The following ADAMTSL2 variants were observed in gnomAD, a reference collection of about 807,000 sequenced individuals.
The protein encoded by ADAMTSL2 is ADAMTS-like protein 2.
Under a neutral mutation model 117.0 loss-of-function variants are expected in ADAMTSL2, and 55 were observed. The ratio of observed to expected loss-of-function variants is 0.47; its 90% confidence interval spans 0.38 to 0.59. ADAMTSL2 has a LOEUF of 0.59. Ranked by LOEUF, ADAMTSL2 falls within the 20% of genes least tolerant of loss-of-function variation. The probability of loss-of-function intolerance (pLI) is 0.00; values close to 1 mark genes in which losing one functional copy is unlikely to be tolerated. For synonymous variants in ADAMTSL2, 572 were observed against 566.4 expected, an observed-to-expected ratio of 1.01 and a Z score of -0.14; for missense variants, 1,182 against 1,354.5, an observed-to-expected ratio of 0.87 and a Z score of 2.00.
Position 133,568,646 on chromosome 9 carries a change from T to G in ADAMTSL2, c.2132T>G (p.Ile711Ser). ...GAGCGCAGTGTGGTGACCAGGGACA[T>G]CCGCTGCTCGGAGGATGAGAAGCTG... ...CGERSVVTRD[I>S]RCSEDEKLCD... The change falls in exon 15 of 19, where the codon ATC (isoleucine) becomes AGC (serine). Residue 711 changes from isoleucine to serine, a missense_variant. Physicochemically the swap from Ile to Ser is moderately radical, Grantham distance 142. Coordinates refer to ENST00000651351, the MANE Select transcript of ADAMTSL2 (RefSeq NM_014694.4). 1 of 1,613,028 alleles carries G rather than the reference T, an allele frequency of 6.2e-7. No individual in the cohort carries two copies. Among genetic ancestry groups the G allele is most frequent in the Non-Finnish European group, 8.5e-7 (1 of 1,179,930 alleles).
At chr9:133,544,116 G>A (rs1219372381) in intron 7 of ADAMTSL2, among the ~76,000 whole-genome samples, 1 of 152,242 alleles carries the variant, frequency 6.6e-6, no homozygotes, top group African/African-American at 2.4e-5. Flanking sequence ...GCAGGGAGCT[G>A]GGGCTCCATC....
At chr9:133,548,588 G>A (rs1461012319) in intron 9 of ADAMTSL2, among the ~76,000 whole-genome samples, 1 of 151,852 alleles carries the variant, frequency 6.6e-6, no homozygotes, top group Non-Finnish European at 1.5e-5. Context: ...GACAGAGGGA[G>A]CAGCTGAGTT....
At position 133,555,788 on chromosome 9, in the gene ADAMTSL2, G is replaced by A. The variant is rs369006687; in HGVS notation, c.1507G>A (p.Glu503Lys). 47 of 1,614,022 alleles carry A rather than the reference G, an allele frequency of 2.9e-5. No individual in the cohort carries two copies. The highest frequency in any genetic ancestry group is 1.8e-4 in the East Asian group (8 of 44,882). Residue 503 changes from glutamate to lysine, a missense_variant, in exon 11 of 19, where the codon GAG becomes AAG. Glu to Lys is a moderately conservative substitution (Grantham distance 56). This residue lies in a region of ADAMTSL2 where 345 missense variants were observed against 325.8 expected (regional missense o/e 1.06). Coordinates refer to ENST00000651351, the MANE Select transcript of ADAMTSL2 (RefSeq NM_014694.4). ...ESFFVDYEEN[E>K]GAGPYLLNGS... Reference sequence around the variant, plus strand: ...CTTCTTCGTGGATTATGAGGAGAACGAGGGGGCTGGCCCTTACCTGCTCAA... The same window carrying A: ...CTTCTTCGTGGATTATGAGGAGAACAAGGGGGCTGGCCCTTACCTGCTCAA...
intron 17 of ADAMTSL2, among the ~76,000 whole-genome samples, chr9:133,570,967 C>T (rs1473409276): frequency 6.6e-6 from 1 of 152,182 alleles, no homozygotes; most frequent in Non-Finnish European, 1.5e-5. Flanking sequence ...GTCAGGACAC[C>T]GGCGGGGCCA....
chr9:133,574,746 A>C lies in ADAMTSL2; in HGVS notation c.2738A>C (p.Asp913Ala). The C allele has an allele frequency of 6.2e-7, 1 of 1,613,256 alleles. No homozygotes were observed. Among genetic ancestry groups the C allele is most frequent in the Non-Finnish European group, 8.5e-7 (1 of 1,179,654 alleles). ...DLQPCPTEPPDDSCQDQPGTN... is the reference protein window; with the variant it reads ...DLQPCPTEPPADSCQDQPGTN... ...GCTTCGCTCTGTGTTCCTTCTCCAG[A>C]TGACAGCTGCCAGGACCAGCCAGGC... The change falls in exon 19 of 19, where the codon GAT (aspartate) becomes GCT (alanine). Residue 913 changes from aspartate to alanine, a missense_variant and splice_region_variant. Coordinates refer to ENST00000651351, the MANE Select transcript of ADAMTSL2 (RefSeq NM_014694.4).
chr9:133,554,440 C>A lies in ADAMTSL2; in HGVS notation c.1023C>A (p.Pro341=). The part of the protein sequence containing the change: ...LQPPHESRPQ[P]IYYGFSESAE... ...CGCCACACGAGAGCCGCCCCCAGCC[C>A]ATCTACTATGGCTTCTCCGAGAGCG... Residue 341 remains proline (P), a synonymous_variant, in exon 10 of 19, where the codon CCC becomes CCA. Transcript: ENST00000651351. The surrounding 1 kb of genome is among the most constrained non-coding windows in gnomAD (Gnocchi z 5.2). The A allele has an allele frequency of 6.4e-7, 1 of 1,563,334 alleles. No individual in the cohort carries two copies. Among genetic ancestry groups the A allele is most frequent in the Admixed American group, 1.9e-5 (1 of 52,852 alleles).
At chr9:133,532,740 G>A (rs555536972), upstream of ADAMTSL2, among the ~76,000 whole-genome samples, 2 of 152,310 alleles carry the variant, frequency 1.3e-5, no homozygotes, top group South Asian at 4.1e-4. Flanking sequence ...TGCCAGTCAT[G>A]GCTCCCTGTG....
intron 9 of ADAMTSL2, among the ~76,000 whole-genome samples, chr9:133,553,739 C>A (rs1415718388): frequency 6.6e-6 from 1 of 152,186 alleles, no homozygotes; most frequent in Non-Finnish European, 1.5e-5. Flanking sequence ...TGGTTGGAAT[C>A]TCTGGAAAAA....
Position 133,557,146 on chromosome 9 carries a change from T to C in ADAMTSL2, c.1649+1216T>C, listed in dbSNP as rs1830620571. Reference sequence around the variant, plus strand: ...GGAGATTCAGGGTTCACTCTCGAGGTGATGTGGTTTGGGGCCACCCTCCCA... The same window carrying C: ...GGAGATTCAGGGTTCACTCTCGAGGCGATGTGGTTTGGGGCCACCCTCCCA... On this transcript the variant is annotated intron_variant, in intron 11 of 18. Coordinates refer to ENST00000651351, the MANE Select transcript of ADAMTSL2 (RefSeq NM_014694.4). The surrounding 1 kb of genome is among the most constrained non-coding windows in gnomAD (Gnocchi z 5.2). Among the ~76,000 whole-genome samples the C allele has an allele frequency of 6.6e-6, 1 of 151,912 alleles. No homozygotes were observed. The highest frequency in any genetic ancestry group is 2.4e-5 in the African/African-American group (1 of 41,360).
intron 4 of ADAMTSL2, 85 bp from the exon 5 acceptor site, chr9:133,539,686 G>GTCCCGGCTGTCCCGGCTGACCCGGCTGT: frequency 1.5e-6 from 2 of 1,305,782 alleles, no homozygotes; most frequent in South Asian, 1.3e-5. Context: ...TGTCCCGGCT[G>GTCCCGGCTGTCCCGGCTGACCCGGCTGT]CAGCCACTTC....
chr9:133,547,233 T>TGGGGGCCCC lies in ADAMTSL2; in HGVS notation c.939+21_939+29dup. ...GTCATGGTACGTGTGCCGCAGGCCT[T>TGGGGGCCCC]GGGGGCCCCAGGGGCCCTGGGCACT... On this transcript the variant is annotated intron_variant, in intron 9 of 18. Transcript: ENST00000651351. 6.2e-7 allele frequency: 1 copy of TGGGGGCCCC among 1,607,280 alleles called. No homozygotes were observed.
At chr9:133,564,597 GGAGAGAGAGGGAGAGA>G (rs1564178902) in intron 12 of ADAMTSL2, among the ~76,000 whole-genome samples, 1 of 26,144 alleles carries the variant, frequency 3.8e-5, no homozygotes, top group African/African-American at 1.8e-4. Flanking sequence ...AGAGAGAGGG[GGAGAGAGAGGGAGAGA>G]GAGAGAGAGA....
intron 4 of ADAMTSL2, among the ~76,000 whole-genome samples, chr9:133,538,709 G>A (rs1203060230): frequency 1.3e-5 from 2 of 152,154 alleles, no homozygotes; most frequent in Non-Finnish European, 2.9e-5. Flanking sequence ...AAGGTTTGGG[G>A]TCTCTGGTCG....
In ADAMTSL2 at chr9:133,558,535, G is replaced by T. The variant is rs36033612; in HGVS notation, c.1649+2605G>T. Among the ~76,000 whole-genome samples the T allele has an allele frequency of 4.5e-4, 69 of 152,334 alleles. No homozygotes were observed. Among genetic ancestry groups the T allele is most frequent in the Middle Eastern group, 3.4e-3 (1 of 294 alleles). ...GCGGAGTCCCTCTCCGCAGCCTTGG[G>T]GGGAGAGAAGAACAGAGCACTTTCT... On this transcript the variant is annotated intron_variant, in intron 11 of 18. Transcript: ENST00000651351. This position sits in a 1 kb window ranked among gnomAD's most constrained non-coding sequence, Gnocchi z 4.3.
chr9:133,548,812 G>C (rs1221071506), intron 9 of ADAMTSL2, among the ~76,000 whole-genome samples: 1 of 152,152 alleles, frequency 6.6e-6, no homozygotes, highest in Non-Finnish European at 1.5e-5. Flanking sequence ...CGAAGGGTGG[G>C]GTCCGTGGTC....
In ADAMTSL2 at chr9:133,540,603, T is replaced by G; in HGVS notation, c.418T>G (p.Tyr140Asp). 3 of 1,613,464 alleles carry G rather than the reference T, an allele frequency of 1.9e-6. No homozygotes were observed. Among genetic ancestry groups the G allele is most frequent in the Non-Finnish European group, 2.5e-6 (3 of 1,180,008 alleles). ...TCTTTGTCTCCCTCCACCAGATGAC[T>G]ATGTCCACATCTCCAGCAAACCGTG... ...HQWKPLYPDD[Y>D]VHISSKPCDL... Residue 140 changes from tyrosine (Y) to aspartate (D), a missense_variant, in exon 6 of 19, where the codon TAT (tyrosine) becomes GAT (aspartate). Physicochemically the swap from Tyr to Asp is radical, Grantham distance 160. Coordinates refer to ENST00000651351, the MANE Select transcript of ADAMTSL2 (RefSeq NM_014694.4).
chr9:133,536,537 G>A (rs1830055849), intron 1 of ADAMTSL2, 26 bp from the exon 2 acceptor site: 2 of 1,537,526 alleles, frequency 1.3e-6, no homozygotes, highest in African/African-American at 1.4e-5. Flanking sequence ...CCTAGACTGA[G>A]GCGGGGGGTT....
rs576039842 is a variant in ADAMTSL2, at chr9:133,554,550, G to A, written c.1133G>A (p.Arg378Gln). 1.5e-4 allele frequency: 237 copies of A among 1,548,502 alleles called. 1 individual carries two copies. The African/African-American group carries it at 2.4e-3, about 16-fold the overall frequency. ...GSLYGQASSE[R>Q]LGLDNRLFGH... ...CTCTACGGCCAGGCCTCCTCAGAGCGGCTGGGCCTGGACAACCGGCTGTTC... is the reference window on the plus strand; with the variant it reads ...CTCTACGGCCAGGCCTCCTCAGAGCAGCTGGGCCTGGACAACCGGCTGTTC... Residue 378 changes from arginine (R) to glutamine (Q), a missense_variant, in exon 10 of 19, where the codon CGG becomes CAG. This residue lies in a region of ADAMTSL2 where 345 missense variants were observed against 325.8 expected (regional missense o/e 1.06). Coordinates refer to ENST00000651351, the MANE Select transcript of ADAMTSL2 (RefSeq NM_014694.4). The surrounding 1 kb of genome is among the most constrained non-coding windows in gnomAD (Gnocchi z 5.2).
intron 1 of ADAMTSL2, 66 bp downstream of exon 1, chr9:133,534,983 T>G: frequency 7.6e-7 from 1 of 1,323,794 alleles, no homozygotes; most frequent in Non-Finnish European, 9.6e-7. Context: ...CTGCTCAGAG[T>G]GGGGCTGGGG....
Sources: gnomAD v4.1 joint callset for allele counts (sites outside exome capture counted in the v4.1 genomes callset) on GRCh38, gnomAD v4.1.1 for gene constraint, gnomAD v4.1.1 regional missense constraint, Gnocchi (gnomAD v3.1) non-coding constraint, MANE v1.5 for transcripts, NCBI Gene and HGNC (gene_info 2026-07-23, HGNC 2026-07-21) for gene names.